The following CSMD1 variants were observed in gnomAD, a reference collection of about 807,000 sequenced individuals.
CSMD1 encodes CUB and Sushi multiple domains 1.
In CSMD1, 213 loss-of-function variants were observed where a neutral mutation model predicts 417.5. The observed-to-expected ratio is 0.51, with a 90% CI of 0.46 to 0.57. The LOEUF (loss-of-function observed/expected upper bound fraction) is 0.57, where lower values mean the gene tolerates loss of function less well. CSMD1 is among the 20% of genes least tolerant of loss of function. CSMD1 has a pLI of 0.00. For synonymous variants in CSMD1, 2,862 were observed against 1,736.8 expected (o/e 1.65, Z -16.11); for missense variants, 6,923 against 4,529.7 (o/e 1.53, Z -15.17).
chr8:4,280,647 G>T (rs910034684), intron 3 of CSMD1, among the ~76,000 whole-genome samples: 3 of 152,124 alleles, frequency 2.0e-5, no homozygotes, highest in Non-Finnish European at 4.4e-5. Flanking sequence ...AAATTTTAAG[G>T]CTTGTGTGAA....
intron 54 of CSMD1, among the ~76,000 whole-genome samples, chr8:2,979,161 T>C (rs1805190690): frequency 6.6e-6 from 1 of 152,244 alleles, no homozygotes; most frequent in Non-Finnish European, 1.5e-5. Context: ...TACTCAAGTG[T>C]GGTGTTTTAG....
intron 1 of CSMD1, among the ~76,000 whole-genome samples, chr8:4,688,409 C>T (rs1806528527): frequency 6.6e-6 from 1 of 152,098 alleles, no homozygotes; most frequent in Non-Finnish European, 1.5e-5. Flanking sequence ...GCTCTGACAC[C>T]TGCTATACCA....
chr8:3,075,057 A>C (rs1585283724), intron 49 of CSMD1, among the ~76,000 whole-genome samples: 1 of 152,052 alleles, frequency 6.6e-6, no homozygotes, highest in Non-Finnish European at 1.5e-5. Flanking sequence ...GTTTAAAAGC[A>C]TGTAACACCT....
intron 1 of CSMD1, among the ~76,000 whole-genome samples, chr8:4,725,909 G>A (rs903883999): frequency 5.3e-5 from 8 of 152,032 alleles, no homozygotes; most frequent in African/African-American, 7.3e-5. Context: ...CACATTCCAG[G>A]GGGGGTTACT....
intron 1 of CSMD1, among the ~76,000 whole-genome samples, chr8:4,639,970 G>A (rs1436788538): frequency 6.6e-6 from 1 of 152,114 alleles, no homozygotes; most frequent in Non-Finnish European, 1.5e-5. Context: ...TAGCTTGTCT[G>A]CTTTACGAGT....
intron 5 of CSMD1, among the ~76,000 whole-genome samples, chr8:3,912,558 AG>A (rs1345122022): frequency 2.0e-5 from 3 of 152,184 alleles, no homozygotes; most frequent in African/African-American, 7.2e-5. Context: ...TTCTCTGCCA[AG>A]GTGGTTTTGG....
At chr8:3,300,517 G>C (rs999987886) in intron 25 of CSMD1, among the ~76,000 whole-genome samples, 16 of 152,112 alleles carry the variant, frequency 1.1e-4, no homozygotes, top group Non-Finnish European at 4.4e-5. Context: ...CTGCTTTATA[G>C]AAAGACTTGT....
chr8:3,815,193 T>C (rs991282535), intron 5 of CSMD1, among the ~76,000 whole-genome samples: 2 of 152,212 alleles, frequency 1.3e-5, no homozygotes, highest in Non-Finnish European at 2.9e-5. Flanking sequence ...CAGGTCAACA[T>C]AGTTTCTTTC....
chr8:3,241,996 C>T (rs1013201641), intron 26 of CSMD1, among the ~76,000 whole-genome samples: 2 of 87,714 alleles, frequency 2.3e-5, no homozygotes, highest in South Asian at 5.1e-4. Context: ...GGGTCTAGGG[C>T]TGTAAAGCGT....
At chr8:3,297,629 C>A (rs1282736868) in intron 25 of CSMD1, among the ~76,000 whole-genome samples, 2 of 152,064 alleles carry the variant, frequency 1.3e-5, no homozygotes, top group South Asian at 4.1e-4. Flanking sequence ...ACACTTCAGT[C>A]TCCATACTGT....
chr8:3,426,768 A>C (rs1813867917), intron 12 of CSMD1, among the ~76,000 whole-genome samples: 1 of 152,164 alleles, frequency 6.6e-6, no homozygotes, highest in Non-Finnish European at 1.5e-5. Context: ...AATTGGTGCT[A>C]AGTTATATTT....
chr8:3,617,187 A>G (rs2291222), intron 7 of CSMD1, among the ~76,000 whole-genome samples: 50,869 of 152,120 alleles, frequency 0.33, 9,187 homozygotes, highest in Middle Eastern at 0.48. Context: ...ATAGATGACA[A>G]CAGAGATGAT....
intron 7 of CSMD1, among the ~76,000 whole-genome samples, chr8:3,651,177 G>T (rs1797835580): frequency 1.3e-5 from 2 of 152,110 alleles, no homozygotes; most frequent in African/African-American, 4.8e-5. Flanking sequence ...CCTGGTCTCT[G>T]TTCCCTAGAA....
chr8:4,457,840 T>G (rs565745278), intron 2 of CSMD1, among the ~76,000 whole-genome samples: 1 of 152,230 alleles, frequency 6.6e-6, no homozygotes, highest in East Asian at 1.9e-4. Flanking sequence ...AGCTTTGCAG[T>G]GACTTCCGAG....
At chr8:4,212,909 G>C (rs910517095) in intron 3 of CSMD1, among the ~76,000 whole-genome samples, 1 of 152,010 alleles carries the variant, frequency 6.6e-6, no homozygotes, top group Non-Finnish European at 1.5e-5. Flanking sequence ...CTGGAAAGAA[G>C]ACACTTCTTC....
intron 1 of CSMD1, among the ~76,000 whole-genome samples, chr8:4,917,028 G>A (rs1259272002): frequency 6.6e-6 from 1 of 152,196 alleles, no homozygotes; most frequent in African/African-American, 2.4e-5. Flanking sequence ...CTGAGACTGG[G>A]TAATTTTTGA....
chr8:4,622,310 G>T (rs538645986), intron 2 of CSMD1, among the ~76,000 whole-genome samples: 1 of 152,088 alleles, frequency 6.6e-6, no homozygotes, highest in East Asian at 1.9e-4. Flanking sequence ...GGAGGATTTA[G>T]TGGCCCACCG....
intron 10 of CSMD1, among the ~76,000 whole-genome samples, chr8:3,511,619 A>G (rs9771814): frequency 6.6e-6 from 1 of 151,454 alleles, no homozygotes; most frequent in Non-Finnish European, 1.5e-5. Flanking sequence ...TTAGCTGGGC[A>G]TGGTAGCAGA....
At chr8:3,212,283 T>A (rs1329955289) in intron 30 of CSMD1, among the ~76,000 whole-genome samples, 1 of 152,266 alleles carries the variant, frequency 6.6e-6, no homozygotes, top group East Asian at 1.9e-4. Flanking sequence ...GACTACACTA[T>A]CAGAATTTTT....
Sources: allele counts gnomAD v4.1 joint callset (sites outside exome capture counted in the v4.1 genomes callset), GRCh38; gene constraint gnomAD v4.1.1; transcripts MANE v1.5; gene names NCBI Gene and HGNC (gene_info 2026-07-23, HGNC 2026-07-21).